The following CD53 variants were observed in gnomAD, a reference collection of about 807,000 sequenced individuals.
The protein encoded by CD53 is CD53 molecule.
A neutral mutation model predicts 27.3 loss-of-function variants in CD53; 20 were observed. The observed-to-expected ratio is 0.73, with a 90% CI of 0.52 to 1.07. The LOEUF is 1.07. CD53 is among the 50% of genes least tolerant of loss of function. The pLI is 0.00. For synonymous variants in CD53, 106 were observed against 105.3 expected (o/e 1.01, Z -0.04); for missense variants, 216 against 264.0 (o/e 0.82, Z 1.26).
chr1:110,891,562 AAT>A (rs1297034999), intron 2 of CD53, 91 bp downstream of exon 2: 2 of 939,856 alleles, frequency 2.1e-6, no homozygotes, highest in Admixed American at 1.8e-5. Context: ...TGTGGGGTAA[AAT>A]GCATGCGTGT....
chr1:110,892,442 A>G lies in CD53; in HGVS notation c.161A>G (p.Asn54Ser). 6.2e-7 allele frequency: 1 copy of G among 1,613,944 alleles called. No individual in the cohort carries two copies. Among genetic ancestry groups the G allele is most frequent in the Non-Finnish European group, 8.5e-7 (1 of 1,179,910 alleles). The stretch of plus-strand genomic sequence containing the variant: ...AACCTCCCCTCCCTCACGCTGGGCA[A>G]TGTGTTTGTCATCGTGGGCTCTATT... Reference protein sequence around the residue: ...FHNLPSLTLGNVFVIVGSIIM... With the variant: ...FHNLPSLTLGSVFVIVGSIIM... Residue 54 changes from asparagine to serine, a missense_variant, in exon 3 of 8, where the codon AAT (asparagine) becomes AGT (serine). Asn to Ser is a conservative substitution (Grantham distance 46, BLOSUM62 1). Transcript: ENST00000271324.
chr1:110,891,635 C>T (rs745881456), intron 2 of CD53, among the ~76,000 whole-genome samples, 164 bp downstream of exon 2: 4 of 152,170 alleles, frequency 2.6e-5, no homozygotes, highest in Non-Finnish European at 4.4e-5. Flanking sequence ...TCCCCTCTTC[C>T]TGCCACAGAA....
chr1:110,896,203 T>C (rs181873728), intron 5 of CD53, among the ~76,000 whole-genome samples: 5 of 152,248 alleles, frequency 3.3e-5, no homozygotes, highest in African/African-American at 9.6e-5. Flanking sequence ...TATCAGGGAG[T>C]CTCTGTCTCC....
chr1:110,890,253 A>G (rs898489312), intron 1 of CD53, among the ~76,000 whole-genome samples: 2 of 152,174 alleles, frequency 1.3e-5, no homozygotes, highest in Non-Finnish European at 2.9e-5. Context: ...TTTATAGAAT[A>G]TCATTACCTC....
chr1:110,898,429 A>T (rs1193748177), intron 7 of CD53, among the ~76,000 whole-genome samples: 1 of 151,566 alleles, frequency 6.6e-6, no homozygotes, highest in Non-Finnish European at 1.5e-5. Context: ...TTCCTCAGAG[A>T]TATGAGTGAT....
intron 7 of CD53, 93 bp downstream of exon 7, chr1:110,897,985 T>C (rs1481715276): frequency 1.6e-6 from 1 of 616,778 alleles, no homozygotes; most frequent in Non-Finnish European, 2.8e-6. Context: ...ATTTACACAA[T>C]AAATGTTAGC....
At chr1:110,883,560 A>C (rs1300626168) in intron 1 of CD53, among the ~76,000 whole-genome samples, 2 of 151,956 alleles carry the variant, frequency 1.3e-5, no homozygotes, top group African/African-American at 4.8e-5. Flanking sequence ...CTGGCCTCAC[A>C]GGATAAGGTA....
At chr1:110,886,231 A>G (rs1185501317) in intron 1 of CD53, among the ~76,000 whole-genome samples, 2 of 152,034 alleles carry the variant, frequency 1.3e-5, no homozygotes, top group African/African-American at 4.8e-5. Flanking sequence ...TTATCCTTAC[A>G]ATTGTTCCTT....
Position 110,873,602 on chromosome 1 carries a change from A to C in CD53, c.-18+354A>C, listed in dbSNP as rs180771631. Among the ~76,000 whole-genome samples the C allele has an allele frequency of 3.5e-3, 538 of 152,300 alleles. 5 individuals carry two copies. Among genetic ancestry groups the C allele is most frequent in the African/African-American group, 0.012 (515 of 41,556 alleles). On this transcript the variant is annotated intron_variant, in intron 1 of 7. Transcript: ENST00000271324. ...ATTTCCTATGTGCTCTGGTCTTCAGAAAATTGGTCTTGTGATTTTAAAGTG... is the reference window on the plus strand; with the variant it reads ...ATTTCCTATGTGCTCTGGTCTTCAGCAAATTGGTCTTGTGATTTTAAAGTG...
At chr1:110,880,610 C>T (rs1656319279) in intron 1 of CD53, among the ~76,000 whole-genome samples, 1 of 152,164 alleles carries the variant, frequency 6.6e-6, no homozygotes, top group Admixed American at 6.5e-5. Context: ...AGTTATTTTC[C>T]TATGTCCAAA....
At chr1:110,873,739 C>T (rs1656030251) in intron 1 of CD53, among the ~76,000 whole-genome samples, 1 of 152,166 alleles carries the variant, frequency 6.6e-6, no homozygotes. Flanking sequence ...TGTGGTTCTT[C>T]AAAGCCACTA....
At chr1:110,896,430 C>G (rs1363293777) in intron 5 of CD53, among the ~76,000 whole-genome samples, 1 of 152,146 alleles carries the variant, frequency 6.6e-6, no homozygotes, top group Non-Finnish European at 1.5e-5. Context: ...TAAAATGTGA[C>G]TAGATTAAGC....
upstream of CD53, among the ~76,000 whole-genome samples, chr1:110,871,318 G>A (rs1655956243): frequency 6.6e-6 from 1 of 152,182 alleles, no homozygotes; most frequent in Non-Finnish European, 1.5e-5. Context: ...TCTGGTTTGA[G>A]AAATATTTAG....
chr1:110,886,865 A>AT (rs1247400020), intron 1 of CD53, among the ~76,000 whole-genome samples: 3 of 44,350 alleles, frequency 6.8e-5, no homozygotes, highest in South Asian at 6.6e-4. Flanking sequence ...ATATATATAT[A>AT]TATATTTTTT....
At chr1:110,889,657 A>G (rs1016593627) in intron 1 of CD53, among the ~76,000 whole-genome samples, 12 of 152,256 alleles carry the variant, frequency 7.9e-5, no homozygotes, top group Middle Eastern at 6.8e-3. Flanking sequence ...GTGTGATAAG[A>G]TCATTTAATA....
chr1:110,895,249 C>G (rs978814799), intron 5 of CD53, among the ~76,000 whole-genome samples, 194 bp downstream of exon 5: 1 of 152,212 alleles, frequency 6.6e-6, no homozygotes, highest in African/African-American at 2.4e-5. Context: ...TCTACATTCT[C>G]TCTTTCATCC....
Position 110,899,272 on chromosome 1 carries a change from T to C in CD53, c.*77T>C. The stretch of plus-strand genomic sequence containing the variant: ...ACCATTTATAGCATGAAGCCCTACA[T>C]GATCACTGCAGGATGATCCTCCTCC... On this transcript the variant is annotated 3_prime_UTR_variant, in exon 8 of 8. Coordinates refer to ENST00000271324, the MANE Select transcript of CD53 (RefSeq NM_000560.4). 1 of 1,016,456 alleles carries C rather than the reference T, an allele frequency of 9.8e-7. No homozygotes were observed. The highest frequency in any genetic ancestry group is 1.5e-6 in the Non-Finnish European group (1 of 645,760). The allele number at this position is 1,016,456 out of a possible 1,614,324, so 63.0% of individuals were successfully genotyped here. A position where few individuals can be genotyped will look rare whatever the true frequency, so the allele number is the denominator to read the frequency against.
At chr1:110,892,881 A>G in intron 3 of CD53, 1 of 203,264 alleles carries the variant, frequency 4.9e-6, no homozygotes, top group Admixed American at 5.2e-5. Context: ...GCTAGCTATT[A>G]TTATGTACTT....
At chr1:110,880,007 T>G (rs1656291938) in intron 1 of CD53, among the ~76,000 whole-genome samples, 1 of 152,200 alleles carries the variant, frequency 6.6e-6, no homozygotes, top group Admixed American at 6.5e-5. Context: ...TTCTACCAGC[T>G]CAAGCCCATT....
Sources: allele counts gnomAD v4.1 joint callset (sites outside exome capture counted in the v4.1 genomes callset), GRCh38; gene constraint gnomAD v4.1.1; transcripts MANE v1.5; gene names NCBI Gene and HGNC (gene_info 2026-07-23, HGNC 2026-07-21).